Variants in LONRF2 observed in about 807,000 individuals in gnomAD.
LONRF2 encodes LON peptidase N-terminal domain and ring finger 2, also known as LON peptidase N-terminal domain and RING finger protein 2.
In LONRF2, 35 loss-of-function variants were observed where a neutral mutation model predicts 66.6. The observed-to-expected ratio is 0.53, with a 90% CI of 0.40 to 0.70. The LOEUF (loss-of-function observed/expected upper bound fraction) is 0.70. LONRF2 is among the 30% of genes least tolerant of loss of function. LONRF2 has a pLI of 0.00. For missense variants in LONRF2, 902 were observed against 1,002.1 expected, an observed-to-expected ratio of 0.90 and a Z score of 1.35; for synonymous variants, 417 against 418.1, an observed-to-expected ratio of 1.00 and a Z score of 0.03.
chr2:100,275,415 G>A lies in LONRF2; in HGVS notation c.*8883C>T, dbSNP rs918845213. On this transcript the variant is annotated 3_prime_UTR_variant, in exon 12 of 12. Coordinates refer to ENST00000393437, the MANE Select transcript of LONRF2 (RefSeq NM_198461.4). ...CAGTGGTGGGCTGCTCACCTGAGGG[G>A]CCCTCCCCCAGCATCCAGTGAGGAA... The A allele has an allele frequency of 6.6e-6, 1 of 152,240 alleles. No homozygotes were observed. The highest frequency in any genetic ancestry group is 1.9e-4 in the East Asian group (1 of 5,200). 9.4% of individuals were successfully genotyped at this position (152,240 alleles called of 1,614,324 possible). A position where few individuals can be genotyped will look rare whatever the true frequency, so the allele number is the denominator to read the frequency against.
chr2:100,293,398 T>G (rs1675001398), intron 9 of LONRF2, among the ~76,000 whole-genome samples: 1 of 152,234 alleles, frequency 6.6e-6, no homozygotes, highest in African/African-American at 2.4e-5. Context: ...CCTGGGCACG[T>G]AGGTGGACTA....
At chr2:100,309,820 G>GCC (rs1675373329) in intron 1 of LONRF2, among the ~76,000 whole-genome samples, 3 of 152,060 alleles carry the variant, frequency 2.0e-5, no homozygotes, top group Admixed American at 2.0e-4. Context: ...TTACAGGTAT[G>GCC]TGCCACCACG....
At chr2:100,300,549 T>C in intron 4 of LONRF2, 95 bp downstream of exon 4, 1 of 1,217,366 alleles carries the variant, frequency 8.2e-7, no homozygotes, top group South Asian at 1.8e-5. Flanking sequence ...ACTAACATAA[T>C]GCCATAATGT....
chr2:100,307,045 C>T (rs907644093), intron 2 of LONRF2, among the ~76,000 whole-genome samples: 2 of 151,658 alleles, frequency 1.3e-5, no homozygotes, highest in East Asian at 1.9e-4. Flanking sequence ...CTCCGCCTCC[C>T]GAGTAGCTGG....
At chr2:100,309,980 T>A (rs1448298010) in intron 1 of LONRF2, among the ~76,000 whole-genome samples, 1 of 152,170 alleles carries the variant, frequency 6.6e-6, no homozygotes, top group Admixed American at 6.5e-5. Context: ...GCCCATAATT[T>A]GTTTTTCTAC....
rs1388563654 is a variant in LONRF2 at position 100,283,746 on chromosome 2, G to A, written c.*552C>T. On this transcript the variant is annotated 3_prime_UTR_variant, in exon 12 of 12. Coordinates refer to ENST00000393437, the MANE Select transcript of LONRF2 (RefSeq NM_198461.4). ...TCTATCCAGAGGCTACTACTTCTTGGGTAAGGACTAGTTTGGGCTCCTGCA... is the reference window on the plus strand; with the variant it reads ...TCTATCCAGAGGCTACTACTTCTTGAGTAAGGACTAGTTTGGGCTCCTGCA... The A allele has an allele frequency of 1.3e-5, 2 of 152,146 alleles. No homozygotes were observed. Among genetic ancestry groups the A allele is most frequent in the African/African-American group, 4.8e-5 (2 of 41,434 alleles). 9.4% of individuals were successfully genotyped at this position (152,146 alleles called of 1,614,324 possible).
chr2:100,318,181 G>A (rs1234561494), intron 1 of LONRF2, among the ~76,000 whole-genome samples: 1 of 152,054 alleles, frequency 6.6e-6, no homozygotes, highest in African/African-American at 2.4e-5. Flanking sequence ...GATATTTTCT[G>A]TTAACTTGCT....
At chr2:100,295,800 A>G (rs1016302027) in intron 7 of LONRF2, among the ~76,000 whole-genome samples, 5 of 152,130 alleles carry the variant, frequency 3.3e-5, no homozygotes, top group Non-Finnish European at 7.4e-5. Flanking sequence ...CAGCATCTAC[A>G]TTTTCAACCA....
chr2:100,287,861 G>C (rs754852489), intron 10 of LONRF2, among the ~76,000 whole-genome samples: 1 of 152,180 alleles, frequency 6.6e-6, no homozygotes, highest in Non-Finnish European at 1.5e-5. Context: ...CGTTAGGGCA[G>C]AGTTTTCTCA....
chr2:100,310,314 T>G (rs1215515768), intron 1 of LONRF2, among the ~76,000 whole-genome samples: 1 of 152,338 alleles, frequency 6.6e-6, no homozygotes, highest in African/African-American at 2.4e-5. Flanking sequence ...CCTACGATCC[T>G]TGTAGGAGGG....
intron 1 of LONRF2, among the ~76,000 whole-genome samples, chr2:100,319,922 T>G (rs1243350271): frequency 1.3e-5 from 2 of 152,222 alleles, no homozygotes; most frequent in Admixed American, 6.5e-5. Flanking sequence ...GGGGCATAAT[T>G]TGCAGTCCCA....
intron 1 of LONRF2, among the ~76,000 whole-genome samples, chr2:100,310,818 A>G (rs1385785119): frequency 6.6e-6 from 1 of 152,238 alleles, no homozygotes; most frequent in Non-Finnish European, 1.5e-5. Context: ...CTTGCTTAAC[A>G]AGAAGGAAAA....
At chr2:100,299,140 G>T in intron 6 of LONRF2, 86 bp downstream of exon 6, 3 of 1,015,922 alleles carry the variant, frequency 3.0e-6, no homozygotes, top group Non-Finnish European at 4.4e-6. Context: ...TAGTTTCCGT[G>T]ATAATAAAAA....
rs1456319790 is a variant in LONRF2 at position 100,273,511 on chromosome 2, T to G, written c.*10787A>C. The G allele has an allele frequency of 2.0e-5, 3 of 152,234 alleles. No homozygotes were observed. Among genetic ancestry groups the G allele is most frequent in the Non-Finnish European group, 4.4e-5 (3 of 68,044 alleles). 9.4% of individuals were successfully genotyped at this position (152,234 alleles called of 1,614,324 possible). On this transcript the variant is annotated 3_prime_UTR_variant, in exon 12 of 12. Transcript: ENST00000393437. ...TATTAGATATACAATACCAATTAAT[T>G]GAAATGAACAGTACAAGAATACATG...
Position 100,280,546 on chromosome 2 carries a change from C to G in LONRF2, c.*3752G>C, listed in dbSNP as rs10865038. 1 of 151,704 alleles carries G rather than the reference C, an allele frequency of 6.6e-6. No homozygotes were observed. Among genetic ancestry groups the G allele is most frequent in the Admixed American group, 6.6e-5 (1 of 15,256 alleles). 9.4% of individuals were successfully genotyped at this position (151,704 alleles called of 1,614,324 possible). On this transcript the variant is annotated 3_prime_UTR_variant, in exon 12 of 12. Coordinates refer to ENST00000393437, the MANE Select transcript of LONRF2 (RefSeq NM_198461.4). ...ATCCCAGCACTGTGGGAGGCCGAGGCGGGCAGATCATGGGGTCAGGAGTTC... is the reference window on the plus strand; with the variant it reads ...ATCCCAGCACTGTGGGAGGCCGAGGGGGGCAGATCATGGGGTCAGGAGTTC...
In LONRF2 at chr2:100,302,990, C is replaced by A. The variant is rs1246763167; in HGVS notation, c.852G>T (p.Val284=). 1 of 1,611,756 alleles carries A rather than the reference C, an allele frequency of 6.2e-7. No individual in the cohort carries two copies. The highest frequency in any genetic ancestry group is 1.7e-5 in the Admixed American group (1 of 59,836). Residue 284 remains valine (V), a synonymous_variant, in exon 3 of 12, where the codon GTG becomes GTT. Coordinates refer to ENST00000393437, the MANE Select transcript of LONRF2 (RefSeq NM_198461.4). ...ALSGLGRSKE[V]LKEFLYCLAL... ...CAAGGCAGTAGAGAAATTCCTTTAA[C>A]ACTTCCTTACTTCTTCCCAATCCAG...
chr2:100,296,113 G>C (rs1365094189), intron 7 of LONRF2, among the ~76,000 whole-genome samples: 2 of 152,172 alleles, frequency 1.3e-5, no homozygotes, highest in East Asian at 3.9e-4. Context: ...GGGATGTGAA[G>C]GGAAGGTAGG....
At chr2:100,305,951 C>T (rs1675281377) in intron 2 of LONRF2, among the ~76,000 whole-genome samples, 2 of 152,070 alleles carry the variant, frequency 1.3e-5, no homozygotes, top group Admixed American at 1.3e-4. Flanking sequence ...TGAAGTGGTG[C>T]CATCTCGGCT....
chr2:100,291,000 T>C (rs13391517), intron 9 of LONRF2, among the ~76,000 whole-genome samples: 43,251 of 152,008 alleles, frequency 0.28, 7,229 homozygotes, highest in East Asian at 0.46. Context: ...ACTGAGAATA[T>C]AGAACACTAA....
Sources: allele counts gnomAD v4.1 joint callset (sites outside exome capture counted in the v4.1 genomes callset), GRCh38; gene constraint gnomAD v4.1.1; transcripts MANE v1.5; gene names NCBI Gene and HGNC (gene_info 2026-07-23, HGNC 2026-07-21).